TICAM2: variants seen among roughly 807,000 people sequenced by gnomAD.
TICAM2 encodes TIR domain-containing adapter molecule 2.
TICAM2 carries 8 observed loss-of-function variants against 7.3 expected under a neutral mutation model. That is an observed-to-expected ratio of 1.10 (90% CI 0.65 to 1.99). The LOEUF (loss-of-function observed/expected upper bound fraction) is 1.99, where lower values mean the gene tolerates loss of function less well. Ranked by LOEUF, TICAM2 falls within the 30% of genes most tolerant of loss-of-function variation. TICAM2 has a pLI of 0.00. For synonymous variants in TICAM2, 113 were observed against 99.6 expected (o/e 1.13, Z -0.80); for missense variants, 304 against 278.8 (o/e 1.09, Z -0.65).
chr5:115,587,303 T>C lies in TICAM2; in HGVS notation c.-59-5988A>G, dbSNP rs540939965. 8.5e-5 allele frequency among the ~76,000 whole-genome samples: 13 copies of C among 152,294 alleles called. No homozygotes were observed. The East Asian group carries it at 1.9e-3, about 23-fold the overall frequency. On this transcript the variant is annotated intron_variant, in intron 1 of 1. Coordinates refer to ENST00000427199, the MANE Select transcript of TICAM2 (RefSeq NM_021649.7). ...AAAATAGTCCTAAAATTGTTGATGA[T>C]GAATATTACAGATGATATGGTGACC...
At chr5:115,590,256 G>A (rs747151594) in intron 1 of TICAM2, among the ~76,000 whole-genome samples, 2 of 152,128 alleles carry the variant, frequency 1.3e-5, no homozygotes, top group Non-Finnish European at 2.9e-5. Context: ...GCTTCAGTGA[G>A]CCATGATTGC....
At chr5:115,592,299 T>A (rs1419636121) in intron 1 of TICAM2, among the ~76,000 whole-genome samples, 1 of 152,118 alleles carries the variant, frequency 6.6e-6, no homozygotes, top group Non-Finnish European at 1.5e-5. Context: ...TTCCAAGAAA[T>A]AGACAATTTC....
rs1189458636 is a variant in TICAM2 at position 115,580,701 on chromosome 5, G to C, written c.556C>G (p.Pro186Ala). The change falls in exon 2 of 2, where the codon CCC (proline) becomes GCC (alanine). Residue 186 changes from proline (P) to alanine (A), a missense_variant. Pro to Ala is a conservative substitution (Grantham distance 27). Transcript: ENST00000427199. ...LNNPLPRERTPFALQTINALE... is the reference protein window; with the variant it reads ...LNNPLPRERTAFALQTINALE... ...GCATTGATGGTTTGGAGGGCAAAGGGAGTCCTTTCTCGGGGAAGGGGATTG... is the reference window on the plus strand; with the variant it reads ...GCATTGATGGTTTGGAGGGCAAAGGCAGTCCTTTCTCGGGGAAGGGGATTG... 1 of 1,597,532 alleles carries C rather than the reference G, an allele frequency of 6.3e-7. No individual in the cohort carries two copies. The highest frequency in any genetic ancestry group is 1.8e-5 in the Admixed American group (1 of 56,312).
At position 115,580,553 on chromosome 5, in the gene TICAM2, G is replaced by C; in HGVS notation, c.704C>G (p.Ala235Gly). The change falls in exon 2 of 2, where the codon GCC (alanine) becomes GGC (glycine). Residue 235 changes from alanine to glycine, a missense_variant. Transcript: ENST00000427199. Reference sequence around the variant, plus strand: ...CCACATGTTATATGTTTCATCTCAGGCAATAAATTGTCTTTGTACCATATT... The same window carrying C: ...CCACATGTTATATGTTTCATCTCAGCCAATAAATTGTCTTTGTACCATATT... Reference protein sequence around the residue: ...TRNMVQRQFIA With the variant: ...TRNMVQRQFIG The C allele has an allele frequency of 6.3e-7, 1 of 1,587,670 alleles. No individual in the cohort carries two copies.
At chr5:115,585,251 T>C (rs1332530685) in intron 1 of TICAM2, among the ~76,000 whole-genome samples, 1 of 152,212 alleles carries the variant, frequency 6.6e-6, no homozygotes, top group Non-Finnish European at 1.5e-5. Context: ...TTATTGCTAT[T>C]AAATACATAA....
chr5:115,589,404 T>C (rs1210638821), intron 1 of TICAM2, among the ~76,000 whole-genome samples: 1 of 152,234 alleles, frequency 6.6e-6, no homozygotes, highest in Non-Finnish European at 1.5e-5. Flanking sequence ...GGGTAATAAG[T>C]ATTTTCAGGA....
At position 115,602,264 on chromosome 5, in the gene TICAM2, C is replaced by G. The variant is rs1263209241; in HGVS notation, c.-227G>C. 1 of 152,776 alleles carries G rather than the reference C, an allele frequency of 6.5e-6. No homozygotes were observed. 9.5% of individuals were successfully genotyped at this position (152,776 alleles called of 1,614,324 possible). On this transcript the variant is annotated 5_prime_UTR_variant, in exon 1 of 2. Transcript: ENST00000427199. ...CCCGCGACCACAGCAGCCTGCTCCCCACCGCGCTTGCAGAGCCCGGACGCG... is the reference window on the plus strand; with the variant it reads ...CCCGCGACCACAGCAGCCTGCTCCCGACCGCGCTTGCAGAGCCCGGACGCG...
intron 1 of TICAM2, among the ~76,000 whole-genome samples, chr5:115,594,035 A>AT (rs1269516938): frequency 6.6e-6 from 1 of 152,214 alleles, no homozygotes; most frequent in Non-Finnish European, 1.5e-5. Context: ...TTATTACTAT[A>AT]TAAAAACAAT....
chr5:115,585,564 G>C, intron 1 of TICAM2, among the ~76,000 whole-genome samples: 1 of 152,188 alleles, frequency 6.6e-6, no homozygotes, highest in Non-Finnish European at 1.5e-5. Context: ...GTACTAAAAA[G>C]AATATGCAAT....
chr5:115,578,868 A>G lies in TICAM2; in HGVS notation c.*1681T>C, dbSNP rs1051878197. On this transcript the variant is annotated 3_prime_UTR_variant, in exon 2 of 2. Transcript: ENST00000427199. ...TAAGGCTAAGAAAATGTCACTATGC[A>G]ATGAAAACCATCTCCTCCTCTAATA... The G allele has an allele frequency of 6.6e-6, 1 of 152,418 alleles. No homozygotes were observed. The highest frequency in any genetic ancestry group is 2.4e-5 in the African/African-American group (1 of 41,450). The allele number at this position is 152,418 out of a possible 1,614,324, so 9.4% of individuals were successfully genotyped here.
At chr5:115,584,741 A>G (rs1316390821) in intron 1 of TICAM2, among the ~76,000 whole-genome samples, 1 of 152,234 alleles carries the variant, frequency 6.6e-6, no homozygotes, top group East Asian at 1.9e-4. Flanking sequence ...CTCAGGCAAC[A>G]GAAATGTGAA....
rs775925030 is a variant in TICAM2 at position 115,581,007 on chromosome 5, A to G, written c.250T>C (p.Leu84=). The G allele has an allele frequency of 3.7e-6, 6 of 1,613,924 alleles. No individual in the cohort carries two copies. The highest frequency in any genetic ancestry group is 2.7e-5 in the African/African-American group (2 of 74,918). ...EEEVFLKFVI[L]HAEDDTDEAL... ...TCATCTGTGTCATCTTCTGCATGCA[A>G]TATCACAAATTTGAGGAACACCTCT... The change falls in exon 2 of 2, where the codon TTG becomes CTG. Residue 84 remains leucine, a synonymous_variant. Coordinates refer to ENST00000427199, the MANE Select transcript of TICAM2 (RefSeq NM_021649.7).
At chr5:115,602,032 G>A (rs553571540) in intron 1 of TICAM2, 65 bp downstream of exon 1, 149 of 152,082 alleles carry the variant, frequency 9.8e-4, no homozygotes, top group Admixed American at 2.8e-3. Context: ...CGCGCCCCTG[G>A]CGGCCTGGCC....
chr5:115,581,059 T>C lies in TICAM2; in HGVS notation c.198A>G (p.Glu66=). ...CTTCAGCTTCTTCTTCAAACATCTC[T>C]TCCACGCTCTGAGCTCCCTCCTGCT... is the stretch of plus-strand genomic sequence containing the variant. The part of the protein sequence containing the change: ...TGKQEGAQSV[E]EMFEEEAEEE... Residue 66 remains glutamate (E), a synonymous_variant, in exon 2 of 2, where the codon GAA becomes GAG. Transcript: ENST00000427199. 2 of 1,614,192 alleles carry C rather than the reference T, an allele frequency of 1.2e-6. No individual in the cohort carries two copies. Among genetic ancestry groups the C allele is most frequent in the East Asian group, 2.2e-5 (1 of 44,876 alleles).
chr5:115,590,751 A>G (rs1755271730), intron 1 of TICAM2, among the ~76,000 whole-genome samples: 1 of 152,186 alleles, frequency 6.6e-6, no homozygotes, highest in Non-Finnish European at 1.5e-5. Context: ...TAGAACTATC[A>G]TCTTACCTTT....
intron 1 of TICAM2, among the ~76,000 whole-genome samples, chr5:115,585,517 T>A (rs1755071556): frequency 6.6e-6 from 1 of 152,200 alleles, no homozygotes; most frequent in Non-Finnish European, 1.5e-5. Context: ...TCTTAGATTA[T>A]CATGGACAAG....
intron 1 of TICAM2, among the ~76,000 whole-genome samples, chr5:115,582,117 G>C (rs144715476): frequency 1.3e-5 from 2 of 152,146 alleles, no homozygotes; most frequent in African/African-American, 2.4e-5. Context: ...TTATAGTCTA[G>C]ATTCATTCTT....
At chr5:115,590,471 T>A (rs1460137786) in intron 1 of TICAM2, among the ~76,000 whole-genome samples, 1 of 152,336 alleles carries the variant, frequency 6.6e-6, no homozygotes, top group African/African-American at 2.4e-5. Context: ...TTCAGAAATT[T>A]CTGTACAAGT....
chr5:115,581,029 CTCT>C lies in TICAM2; in HGVS notation c.225_227del (p.Glu76del), dbSNP rs1561572543. On this transcript the variant is annotated inframe_deletion, in exon 2 of 2. Coordinates refer to ENST00000427199, the MANE Select transcript of TICAM2 (RefSeq NM_021649.7). The stretch of plus-strand genomic sequence containing the variant: ...GCAATATCACAAATTTGAGGAACAC[CTCT>C]TCTTCAGCTTCTTCTTCAAACATCT... The C allele has an allele frequency of 1.2e-6, 2 of 1,613,964 alleles. No homozygotes were observed. Among genetic ancestry groups the C allele is most frequent in the Non-Finnish European group, 1.7e-6 (2 of 1,180,022 alleles).
Sources: gnomAD v4.1 joint callset for allele counts (sites outside exome capture counted in the v4.1 genomes callset) on GRCh38, gnomAD v4.1.1 for gene constraint, MANE v1.5 for transcripts, NCBI Gene and HGNC (gene_info 2026-07-23, HGNC 2026-07-21) for gene names.